Variants in RBM19 observed in about 807,000 individuals in gnomAD.
RBM19 encodes probable RNA-binding protein 19.
In RBM19, 94 loss-of-function variants were observed where a neutral mutation model predicts 116.8. That is an observed-to-expected ratio of 0.80 (90% CI 0.68 to 0.95). The LOEUF (loss-of-function observed/expected upper bound fraction) is 0.95, where lower values mean the gene tolerates loss of function less well. RBM19 is among the 40% of genes least tolerant of loss of function. The probability of loss-of-function intolerance (pLI) is 0.00; values close to 1 mark genes in which losing one functional copy is unlikely to be tolerated. For missense variants in RBM19, 1,161 were observed against 1,220.7 expected, an observed-to-expected ratio of 0.95 and a Z score of 0.73; for synonymous variants, 475 against 494.1, an observed-to-expected ratio of 0.96 and a Z score of 0.51.
intron 22 of RBM19, among the ~76,000 whole-genome samples, chr12:113,856,534 CA>C (rs1163261754): frequency 6.6e-6 from 1 of 152,232 alleles, no homozygotes; most frequent in African/African-American, 2.4e-5. Flanking sequence ...GAAGGGGCTC[CA>C]ACGCCTTTGC....
chr12:113,817,007 T>C (rs541327481), exon 25 of RBM19: 2 of 152,332 alleles, frequency 1.3e-5, no homozygotes, highest in African/African-American at 2.4e-5. Flanking sequence ...GCAGAACAAA[T>C]TGAATTAGAT....
At chr12:113,895,840 A>G (rs1051832993) in intron 21 of RBM19, among the ~76,000 whole-genome samples, 1 of 150,050 alleles carries the variant, frequency 6.7e-6, no homozygotes, top group Non-Finnish European at 1.5e-5. Flanking sequence ...ATTGGATTAT[A>G]TATAGAATAT....
intron 23 of RBM19, among the ~76,000 whole-genome samples, chr12:113,836,133 A>G (rs1178394914): frequency 6.6e-6 from 1 of 152,072 alleles, no homozygotes; most frequent in African/African-American, 2.4e-5. Context: ...AAACTCCCAC[A>G]TGCAAGGCAG....
At chr12:113,897,019 T>C (rs1402078607) in intron 21 of RBM19, among the ~76,000 whole-genome samples, 1 of 152,260 alleles carries the variant, frequency 6.6e-6, no homozygotes, top group Non-Finnish European at 1.5e-5. Flanking sequence ...GTCAGTTCAC[T>C]GTGGCACCCT....
At chr12:113,837,280 T>TACACACACACAC (rs1876048059) in intron 23 of RBM19, among the ~76,000 whole-genome samples, 1 of 60,810 alleles carries the variant, frequency 1.6e-5, no homozygotes, top group Non-Finnish European at 3.7e-5. Context: ...CACACACACG[T>TACACACACACAC]GTGCTACTGC....
chr12:113,941,696 CTTCA>C (rs1326808164), intron 14 of RBM19, among the ~76,000 whole-genome samples: 1 of 151,824 alleles, frequency 6.6e-6, no homozygotes, highest in African/African-American at 2.4e-5. Context: ...CCCCATACAT[CTTCA>C]TTCATCCATC....
intron 23 of RBM19, among the ~76,000 whole-genome samples, chr12:113,824,545 T>A (rs10850217): frequency 0.11 from 17,337 of 152,068 alleles, 1,097 homozygotes; most frequent in South Asian, 0.24. Context: ...TCCCTTTCCA[T>A]GGCTCAAACA....
rs1395392766 is a variant in RBM19 at position 113,903,283 on chromosome 12, C to T, written c.2558+11686G>A. Among the ~76,000 whole-genome samples the T allele has an allele frequency of 6.6e-6, 1 of 152,212 alleles. No individual in the cohort carries two copies. The highest frequency in any genetic ancestry group is 2.4e-5 in the African/African-American group (1 of 41,450). On this transcript the variant is annotated intron_variant, in intron 21 of 23. Transcript: ENST00000261741. The surrounding 1 kb of genome is among the most constrained non-coding windows in gnomAD (Gnocchi z 5.1). The stretch of plus-strand genomic sequence containing the variant: ...CCCACAGATACAGAATCATAGGATA[C>T]GTGGCCTTTCGTGTCTGGCTTCTTT...
intron 21 of RBM19, among the ~76,000 whole-genome samples, chr12:113,889,916 G>T (rs559058770): frequency 1.3e-4 from 20 of 151,436 alleles, no homozygotes; most frequent in Admixed American, 4.6e-4. Context: ...AAGAAAAGGC[G>T]TAATCGATCA....
Position 113,870,766 on chromosome 12 carries a change from C to A in RBM19, c.2559-11870G>T, listed in dbSNP as rs1879151365. On this transcript the variant is annotated intron_variant, in intron 21 of 23. Transcript: ENST00000261741. The stretch of plus-strand genomic sequence containing the variant: ...TCGTCTCCGCACTAACAGCACCAAG[C>A]AGCAGCCCATAGCCACCAACACCGG... Among the ~76,000 whole-genome samples the A allele has an allele frequency of 5.3e-5, 8 of 152,300 alleles. No individual in the cohort carries two copies. In the South Asian group the frequency reaches 1.7e-3, roughly 32 times the overall value.
At chr12:113,821,297 G>A (rs1874398278), downstream of RBM19, among the ~76,000 whole-genome samples, 1 of 152,124 alleles carries the variant, frequency 6.6e-6, no homozygotes, top group African/African-American at 2.4e-5. Flanking sequence ...CACCAGGCCC[G>A]TGGGTCTACA....
At chr12:113,826,670 C>T (rs991603066) in intron 23 of RBM19, among the ~76,000 whole-genome samples, 7 of 152,296 alleles carry the variant, frequency 4.6e-5, no homozygotes, top group South Asian at 4.1e-4. Context: ...AATTTCTAAC[C>T]TGTAAAATGG....
intron 21 of RBM19, among the ~76,000 whole-genome samples, chr12:113,881,204 G>T (rs1013669709): frequency 6.6e-6 from 1 of 152,214 alleles, no homozygotes; most frequent in African/African-American, 2.4e-5. Flanking sequence ...CTCGGTAGCT[G>T]CAGCTGCAGA....
In RBM19 at chr12:113,937,056, T is replaced by C. The variant is rs199886022; in HGVS notation, c.2019A>G (p.Gln673=). The change falls in exon 16 of 24, where the codon CAA becomes CAG. Residue 673 remains glutamine, a synonymous_variant. Coordinates refer to ENST00000261741, the MANE Select transcript of RBM19 (RefSeq NM_016196.4). ...TTTCCATGGGTTCTGAAGGTGTGTC[T>C]TGGAGCTTTTTCTTCTGTGGGGCTG... ...SSTAPQKKKL[Q]DTPSEPMEKD... 29 of 1,614,186 alleles carry C rather than the reference T, an allele frequency of 1.8e-5. No homozygotes were observed. Among genetic ancestry groups the C allele is most frequent in the Non-Finnish European group, 2.5e-5 (29 of 1,180,030 alleles).
chr12:113,863,390 CAG>C (rs747673169), intron 21 of RBM19, among the ~76,000 whole-genome samples: 1 of 152,118 alleles, frequency 6.6e-6, no homozygotes, highest in Non-Finnish European at 1.5e-5. Context: ...GCGACAGGCT[CAG>C]GGGGAAAGAA....
chr12:113,942,483 T>C, intron 13 of RBM19, 49 bp from the exon 14 acceptor site: 2 of 1,470,740 alleles, frequency 1.4e-6, no homozygotes, highest in Non-Finnish European at 1.8e-6. Flanking sequence ...GCCAGGTGAC[T>C]TGCTGGCCCT....
intron 20 of RBM19, among the ~76,000 whole-genome samples, chr12:113,918,143 A>G (rs7297325): frequency 0.015 from 911 of 61,318 alleles, 12 homozygotes; most frequent in African/African-American, 0.037. Context: ...AAAAAAAAAG[A>G]AAAAAAAAAG....
At chr12:113,901,675 A>AT (rs376276030) in intron 21 of RBM19, among the ~76,000 whole-genome samples, 29 of 147,924 alleles carry the variant, frequency 2.0e-4, no homozygotes, top group South Asian at 6.5e-4. Context: ...CGCCTGGCTA[A>AT]TTTTTTTTTT....
downstream of RBM19, among the ~76,000 whole-genome samples, chr12:113,818,428 G>A (rs952950866): frequency 2.0e-5 from 3 of 152,124 alleles, no homozygotes; most frequent in African/African-American, 7.2e-5. Flanking sequence ...CTCCTTCCTG[G>A]ATCATAGGCT....
Sources: allele counts gnomAD v4.1 joint callset (sites outside exome capture counted in the v4.1 genomes callset), GRCh38; gene constraint gnomAD v4.1.1; non-coding constraint Gnocchi (gnomAD v3.1); transcripts MANE v1.5; gene names NCBI Gene and HGNC (gene_info 2026-07-23, HGNC 2026-07-21).